The following CSMD3 variants were observed in gnomAD, a reference collection of about 807,000 sequenced individuals.
CSMD3 encodes CUB and Sushi multiple domains 3, also known as CUB and sushi domain-containing protein 3.
In CSMD3, 177 loss-of-function variants were observed where a neutral mutation model predicts 435.2. The observed-to-expected ratio is 0.41, with a 90% CI of 0.36 to 0.46. The LOEUF is 0.46. Among genes scored for constraint, CSMD3 ranks in the 20% least tolerant of loss-of-function variants. The pLI, the probability that CSMD3 is intolerant of heterozygous loss-of-function variation, is 0.34. For synonymous variants in CSMD3, 1,656 were observed against 1,520.5 expected (o/e 1.09, Z -2.07); for missense variants, 4,265 against 4,504.6 (o/e 0.95, Z 1.52).
intron 10 of CSMD3, among the ~76,000 whole-genome samples, chr8:112,872,383 C>T (rs2081160401): frequency 6.6e-6 from 1 of 151,824 alleles, no homozygotes; most frequent in African/African-American, 2.4e-5. Flanking sequence ...ATGAAATGCA[C>T]CCGAAGTAGG....
intron 30 of CSMD3, among the ~76,000 whole-genome samples, chr8:112,499,934 C>G (rs754690810): frequency 3.3e-5 from 5 of 151,898 alleles, no homozygotes; most frequent in Non-Finnish European, 5.9e-5. Flanking sequence ...CATGGTGAAA[C>G]CCCGTCTCTA....
intron 5 of CSMD3, among the ~76,000 whole-genome samples, chr8:113,030,128 A>G (rs1317247909): frequency 2.6e-5 from 4 of 151,478 alleles, no homozygotes; most frequent in African/African-American, 9.7e-5. Flanking sequence ...GAAATCTTAG[A>G]CAACACAAAC....
At chr8:112,297,066 T>TA (rs1820364639) in intron 53 of CSMD3, among the ~76,000 whole-genome samples, 1 of 150,682 alleles carries the variant, frequency 6.6e-6, no homozygotes, top group Non-Finnish European at 1.5e-5. Flanking sequence ...TAATAGTTTT[T>TA]ATCTATTAAA....
In CSMD3 at chr8:112,458,128, G is replaced by A. The variant is rs917945825; in HGVS notation, c.5395+14463C>T. 2.6e-5 allele frequency among the ~76,000 whole-genome samples: 4 copies of A among 151,696 alleles called. No individual in the cohort carries two copies. In the South Asian group the frequency reaches 8.3e-4, roughly 31 times the overall value. On this transcript the variant is annotated intron_variant, in intron 32 of 70. Coordinates refer to ENST00000297405, the MANE Select transcript of CSMD3 (RefSeq NM_198123.2). The stretch of plus-strand genomic sequence containing the variant: ...AAAATACAACCTTTGATCACAAAGA[G>A]ATGACATATTAGCGCAGTATTTTCA...
At chr8:112,601,424 A>G (rs549185391) in intron 22 of CSMD3, among the ~76,000 whole-genome samples, 1 of 152,156 alleles carries the variant, frequency 6.6e-6, no homozygotes, top group Non-Finnish European at 1.5e-5. Context: ...CCCCTTCATG[A>G]TATTTCCACT....
chr8:113,227,773 C>T (rs1485572926), intron 3 of CSMD3, among the ~76,000 whole-genome samples: 3 of 151,638 alleles, frequency 2.0e-5, no homozygotes, highest in Non-Finnish European at 3.0e-5. Flanking sequence ...AACTGTGAGT[C>T]AATTAAACTT....
intron 6 of CSMD3, among the ~76,000 whole-genome samples, chr8:113,005,228 T>C (rs1451953778): frequency 6.6e-6 from 1 of 151,942 alleles, no homozygotes; most frequent in Non-Finnish European, 1.5e-5. Context: ...TGGTTTTAAC[T>C]ACCACATTAC....
intron 45 of CSMD3, among the ~76,000 whole-genome samples, chr8:112,329,884 G>T (rs1823870466): frequency 6.6e-6 from 1 of 151,848 alleles, no homozygotes; most frequent in South Asian, 2.1e-4. Context: ...AGCAGTTTGG[G>T]TTTTAGCTCC....
At chr8:113,399,104 T>TAA (rs544453240) in intron 1 of CSMD3, among the ~76,000 whole-genome samples, 1 of 75,018 alleles carries the variant, frequency 1.3e-5, no homozygotes, top group African/African-American at 5.4e-5. Flanking sequence ...TATATATATA[T>TAA]ATACACACAC....
At chr8:112,376,861 T>A (rs16883492) in intron 38 of CSMD3, among the ~76,000 whole-genome samples, 4 of 152,258 alleles carry the variant, frequency 2.6e-5, no homozygotes, top group African/African-American at 9.6e-5. Flanking sequence ...CTAAAGGATA[T>A]GGTAAACTGC....
At chr8:112,991,649 T>TGACTG (rs1564186489) in intron 6 of CSMD3, among the ~76,000 whole-genome samples, 7 of 151,792 alleles carry the variant, frequency 4.6e-5, no homozygotes, top group Admixed American at 1.3e-4. Flanking sequence ...AAAAGTAATA[T>TGACTG]ACCAGTCAGT....
At chr8:113,146,189 G>A (rs904462671) in intron 4 of CSMD3, among the ~76,000 whole-genome samples, 2 of 151,452 alleles carry the variant, frequency 1.3e-5, no homozygotes, top group Non-Finnish European at 3.0e-5. Context: ...GCAAAACAGT[G>A]AATGCTTATT....
chr8:112,343,074 T>C (rs1357475750), intron 41 of CSMD3, among the ~76,000 whole-genome samples: 1 of 145,482 alleles, frequency 6.9e-6, no homozygotes, highest in Admixed American at 7.0e-5. Flanking sequence ...TAATCAAAAC[T>C]CAAAGAAAAG....
At chr8:112,235,362 T>C (rs1813468900) in intron 67 of CSMD3, among the ~76,000 whole-genome samples, 1 of 151,628 alleles carries the variant, frequency 6.6e-6, no homozygotes, top group Non-Finnish European at 1.5e-5. Context: ...CCAGACTGGG[T>C]GACAGAGCAA....
chr8:112,783,799 T>C (rs2078464350), intron 13 of CSMD3, among the ~76,000 whole-genome samples: 1 of 151,190 alleles, frequency 6.6e-6, no homozygotes, highest in Non-Finnish European at 1.5e-5. Flanking sequence ...GCTATACTTA[T>C]ATCAGATAAA....
rs368552381 is a variant in CSMD3, at chr8:112,412,843, A to C, written c.5396-3811T>G. ...GTACAGATAGGGTCCCTGCTCTTTAACTCTATTAATTATATTTCTGTTTAT... is the reference window on the plus strand; with the variant it reads ...GTACAGATAGGGTCCCTGCTCTTTACCTCTATTAATTATATTTCTGTTTAT... On this transcript the variant is annotated intron_variant, in intron 32 of 70. Transcript: ENST00000297405. Among the ~76,000 whole-genome samples the C allele has an allele frequency of 2.7e-3, 410 of 152,072 alleles. 1 individual carries two copies. Among genetic ancestry groups the C allele is most frequent in the African/African-American group, 9.3e-3 (385 of 41,496 alleles).
intron 10 of CSMD3, among the ~76,000 whole-genome samples, chr8:112,884,792 T>G (rs892621471): frequency 2.0e-5 from 3 of 151,852 alleles, no homozygotes; most frequent in Admixed American, 6.6e-5. Flanking sequence ...AGTATAAACT[T>G]CAGCTTCCAT....
chr8:112,579,380 T>TTGAATG (rs1186989911), intron 23 of CSMD3, among the ~76,000 whole-genome samples: 1 of 152,006 alleles, frequency 6.6e-6, no homozygotes, highest in Non-Finnish European at 1.5e-5. Context: ...CAAGCTATCA[T>TTGAATG]TGAATGTGAA....
At chr8:113,355,749 T>TATATATACACAC (rs1357514892) in intron 1 of CSMD3, among the ~76,000 whole-genome samples, 16 of 81,326 alleles carry the variant, frequency 2.0e-4, no homozygotes, top group African/African-American at 8.3e-4. Flanking sequence ...TATATATATA[T>TATATATACACAC]ACACACACAC....
Sources: allele counts gnomAD v4.1 joint callset (sites outside exome capture counted in the v4.1 genomes callset), GRCh38; gene constraint gnomAD v4.1.1; transcripts MANE v1.5; gene names NCBI Gene and HGNC (gene_info 2026-07-23, HGNC 2026-07-21).